Variants in CHURC1 observed in about 807,000 individuals in gnomAD.
CHURC1 encodes churchill domain containing 1, also known as protein Churchill.
Under a neutral mutation model 15.4 loss-of-function variants are expected in CHURC1, and 12 were observed. That is an observed-to-expected ratio of 0.78 (90% CI 0.50 to 1.27). The LOEUF is 1.27. Among genes scored for constraint, CHURC1 ranks in the 50% most tolerant of loss-of-function variants. The pLI is 0.00. For missense variants in CHURC1, 132 were observed against 137.8 expected, an observed-to-expected ratio of 0.96 and a Z score of 0.21; for synonymous variants, 42 against 47.5, an observed-to-expected ratio of 0.88 and a Z score of 0.48.
At chr14:64,925,515 T>C (rs1019846149) in intron 2 of CHURC1, among the ~76,000 whole-genome samples, 2 of 151,612 alleles carry the variant, frequency 1.3e-5, no homozygotes. Context: ...TCTACAAAAA[T>C]TCAAAAAAAT....
intron 1 of CHURC1, among the ~76,000 whole-genome samples, chr14:64,915,496 A>C (rs1883819529): frequency 6.6e-6 from 1 of 152,222 alleles, no homozygotes; most frequent in South Asian, 2.1e-4. Context: ...GACTTGAAGG[A>C]CAGTTGTAAT....
chr14:64,923,820 C>T (rs1594896229), intron 1 of CHURC1, among the ~76,000 whole-genome samples, 171 bp from the exon 2 acceptor site: 2 of 129,714 alleles, frequency 1.5e-5, no homozygotes, highest in South Asian at 5.4e-4. Context: ...ACATGAGTAA[C>T]ACTTCTTTAG....
At chr14:64,928,817 T>C (rs140689825) in intron 3 of CHURC1, among the ~76,000 whole-genome samples, 303 of 152,318 alleles carry the variant, frequency 2.0e-3, no homozygotes, top group African/African-American at 7.2e-3. Flanking sequence ...ACTGCTCCTT[T>C]GTGTTTTCTC....
chr14:64,921,236 CTA>C (rs1340287046), intron 1 of CHURC1, among the ~76,000 whole-genome samples: 1 of 151,992 alleles, frequency 6.6e-6, no homozygotes, highest in African/African-American at 2.4e-5. Flanking sequence ...AAACTAAAAG[CTA>C]TAAAACTTCT....
Position 64,934,185 on chromosome 14 carries a change from A to C in CHURC1, c.*1955A>C, listed in dbSNP as rs1885219633. ...TGGTGCAACCTCGTCTTTACTAAAA[A>C]TACAAAAACAAAAATTAGCCAGGGG... On this transcript the variant is annotated 3_prime_UTR_variant, in exon 4 of 4. Coordinates refer to ENST00000549115, the MANE Select transcript of CHURC1 (RefSeq NM_001386928.1). 1 of 482,794 alleles carries C rather than the reference A, an allele frequency of 2.1e-6. No individual in the cohort carries two copies. The allele number at this position is 482,794 out of a possible 1,614,324, so 29.9% of individuals were successfully genotyped here.
In CHURC1 at chr14:64,934,124, C is replaced by G; in HGVS notation, c.*1894C>G. On this transcript the variant is annotated 3_prime_UTR_variant, in exon 4 of 4. Coordinates refer to ENST00000549115, the MANE Select transcript of CHURC1 (RefSeq NM_001386928.1). ...TTGGGAGGCCAAAGCAGGCGGATCA[C>G]CTGAGGTCAGGAGTTTGAGACCAGC... 1 of 854,310 alleles carries G rather than the reference C, an allele frequency of 1.2e-6. No homozygotes were observed. The highest frequency in any genetic ancestry group is 1.4e-6 in the Non-Finnish European group (1 of 711,024). 52.9% of individuals were successfully genotyped at this position (854,310 alleles called of 1,614,324 possible). A position where few individuals can be genotyped will look rare whatever the true frequency, so the allele number is the denominator to read the frequency against.
At chr14:64,914,994 A>T (rs1566826056) in intron 1 of CHURC1, among the ~76,000 whole-genome samples, 1 of 152,268 alleles carries the variant, frequency 6.6e-6, no homozygotes, top group Non-Finnish European at 1.5e-5. Flanking sequence ...TTCTAGTTGC[A>T]TGGATGAGAG....
chr14:64,925,907 C>T, intron 2 of CHURC1, 103 bp from the exon 3 acceptor site: 1 of 793,014 alleles, frequency 1.3e-6, no homozygotes, highest in Non-Finnish European at 1.9e-6. Context: ...ATATGACAGA[C>T]TTAAGATTCT....
rs1168011733 is a variant in CHURC1 at position 64,932,782 on chromosome 14, A to C, written c.*552A>C. On this transcript the variant is annotated 3_prime_UTR_variant, in exon 4 of 4. Coordinates refer to ENST00000549115, the MANE Select transcript of CHURC1 (RefSeq NM_001386928.1). ...CCCAAACTATATAATAAATATTTAC[A>C]AGCCCAAACTAATATAAATGATTGA... is the stretch of plus-strand genomic sequence containing the variant. 1 of 152,308 alleles carries C rather than the reference A, an allele frequency of 6.6e-6. No homozygotes were observed. The highest frequency in any genetic ancestry group is 1.5e-5 in the Non-Finnish European group (1 of 68,088). The allele number at this position is 152,308 out of a possible 1,614,324, so 9.4% of individuals were successfully genotyped here.
At position 64,927,822 on chromosome 14, in the gene CHURC1, G is replaced by A. The variant is rs191366569; in HGVS notation, c.246+1742G>A. On this transcript the variant is annotated intron_variant, in intron 3 of 3. Transcript: ENST00000549115. The stretch of plus-strand genomic sequence containing the variant: ...ACAGTGGTGTGTGCCTATAGTTCGA[G>A]CTACTCAGGAGACTGAGGCAGGAGA... Among the ~76,000 whole-genome samples the A allele has an allele frequency of 9.7e-4, 146 of 150,168 alleles. 1 individual carries two copies. The highest frequency in any genetic ancestry group is 1.6e-3 in the Non-Finnish European group (111 of 67,850).
chr14:64,914,551 T>C lies in CHURC1; in HGVS notation c.39+17T>C. On this transcript the variant is annotated intron_variant, in intron 1 of 3. Coordinates refer to ENST00000549115, the MANE Select transcript of CHURC1 (RefSeq NM_001386928.1). ...CCCAACCGGGTGAGCGACTGGGCGC[T>C]CCCTTGGCCCGCGGGCGGCCCCCGA... 6.2e-7 allele frequency: 1 copy of C among 1,614,082 alleles called. No individual in the cohort carries two copies. The highest frequency in any genetic ancestry group is 2.2e-5 in the East Asian group (1 of 44,872).
intron 2 of CHURC1, among the ~76,000 whole-genome samples, chr14:64,924,693 C>A (rs1040571016): frequency 1.3e-5 from 2 of 152,040 alleles, no homozygotes; most frequent in African/African-American, 4.8e-5. Flanking sequence ...TCCTATCCTT[C>A]TTCTCGTCCT....
chr14:64,929,946 C>A (rs189242967), intron 3 of CHURC1, among the ~76,000 whole-genome samples: 1,950 of 148,638 alleles, frequency 0.013, 12 homozygotes, highest in Middle Eastern at 0.024. Flanking sequence ...AAAGCCCCCC[C>A]CCACACACAC....
At chr14:64,918,847 CA>C (rs1884075205) in intron 1 of CHURC1, among the ~76,000 whole-genome samples, 1 of 152,004 alleles carries the variant, frequency 6.6e-6, no homozygotes. Context: ...AAAAAACAAA[CA>C]AACAAAAAAT....
rs776216920 is a variant in CHURC1 at position 64,934,978 on chromosome 14, G to A, written c.*2748G>A. 1.2e-4 allele frequency: 120 copies of A among 984,002 alleles called. No individual in the cohort carries two copies. Among genetic ancestry groups the A allele is most frequent in the Non-Finnish European group, 1.4e-4 (113 of 828,874 alleles). The allele number at this position is 984,002 out of a possible 1,614,324, so 61.0% of individuals were successfully genotyped here. The stretch of plus-strand genomic sequence containing the variant: ...TAGATTCTTATGTGGATCTAATAAC[G>A]ACCACTTGAACCCAGTTTCACAGAA... On this transcript the variant is annotated 3_prime_UTR_variant, in exon 4 of 4. Coordinates refer to ENST00000549115, the MANE Select transcript of CHURC1 (RefSeq NM_001386928.1).
In CHURC1 at chr14:64,924,177, T is replaced by G. The variant is rs182911253; in HGVS notation, c.175+51T>G. ...GAGTGTGTTAGCAGGTGTCAGCTTT[T>G]GGAAGTCGATATGTTACACAAAATA... On this transcript the variant is annotated intron_variant, in intron 2 of 3. Coordinates refer to ENST00000549115, the MANE Select transcript of CHURC1 (RefSeq NM_001386928.1). 292 of 1,548,336 alleles carry G rather than the reference T, an allele frequency of 1.9e-4. 1 individual carries two copies. The African/African-American group carries it at 3.1e-3, about 17-fold the overall frequency.
intron 3 of CHURC1, among the ~76,000 whole-genome samples, chr14:64,928,739 G>A (rs1884901722): frequency 6.6e-6 from 1 of 152,006 alleles, no homozygotes; most frequent in Non-Finnish European, 1.5e-5. Context: ...AACTATTGTT[G>A]TCTTTTTGAA....
chr14:64,926,520 T>C (rs1029117500), intron 3 of CHURC1, among the ~76,000 whole-genome samples: 6 of 152,246 alleles, frequency 3.9e-5, no homozygotes, highest in Non-Finnish European at 7.3e-5. Context: ...CTTATGAGAT[T>C]ACCATTGTGC....
chr14:64,930,297 T>C (rs1377812082), intron 3 of CHURC1, among the ~76,000 whole-genome samples: 1 of 152,194 alleles, frequency 6.6e-6, no homozygotes, highest in Non-Finnish European at 1.5e-5. Context: ...TCTCATCATA[T>C]TCCTGGCAGC....
Sources: allele counts gnomAD v4.1 joint callset (sites outside exome capture counted in the v4.1 genomes callset), GRCh38; gene constraint gnomAD v4.1.1; transcripts MANE v1.5; gene names NCBI Gene and HGNC (gene_info 2026-07-23, HGNC 2026-07-21).